DIDO1: variants seen among roughly 807,000 people sequenced by gnomAD.
The protein encoded by DIDO1 is death-inducer obliterator 1.
In DIDO1, 16 loss-of-function variants were observed where a neutral mutation model predicts 99.4. The ratio of observed to expected loss-of-function variants is 0.16; its 90% CI spans 0.11 to 0.24. The LOEUF (loss-of-function observed/expected upper bound fraction) is 0.24. DIDO1 is among the 10% of genes least tolerant of loss of function. The pLI is 1.00. For synonymous variants in DIDO1, 1,366 were observed against 1,239.1 expected, an observed-to-expected ratio of 1.10 and a Z score of -2.15; for missense variants, 2,996 against 3,014.0, an observed-to-expected ratio of 0.99 and a Z score of 0.14.
In DIDO1 at chr20:62,890,821, T is replaced by C. The variant is rs1349587468; in HGVS notation, c.3541+139A>G. 5.8e-6 allele frequency: 9 copies of C among 1,538,548 alleles called. No individual in the cohort carries two copies. In the African/African-American group the frequency reaches 8.3e-5, roughly 14 times the overall value. ...CCTACGCCCTCAAAGATGAATCCTA[T>C]TGCTAACCGCTGCGTCTGTGCTCCT... is the stretch of plus-strand genomic sequence containing the variant. On this transcript the variant is annotated intron_variant, in intron 15 of 15. Coordinates refer to ENST00000395343, the MANE Select transcript of DIDO1 (RefSeq NM_001193369.2).
intron 2 of DIDO1, among the ~76,000 whole-genome samples, chr20:62,913,648 T>C (rs2064987995): frequency 6.6e-6 from 1 of 152,250 alleles, no homozygotes; most frequent in Non-Finnish European, 1.5e-5. Flanking sequence ...AAGCTCTCGT[T>C]TTCATGCAAC....
At chr20:62,900,302 G>C (rs1490811352) in intron 6 of DIDO1, among the ~76,000 whole-genome samples, 2 of 152,278 alleles carry the variant, frequency 1.3e-5, no homozygotes, top group African/African-American at 4.8e-5. Flanking sequence ...CCGGGTCTGG[G>C]TTTCAGCCAA....
At chr20:62,922,057 TATAC>T (rs2065153723) in intron 1 of DIDO1, among the ~76,000 whole-genome samples, 1 of 147,480 alleles carries the variant, frequency 6.8e-6, no homozygotes, top group African/African-American at 2.5e-5. Context: ...ACAATATATA[TATAC>T]ACACACTATA....
chr20:62,879,090 G>A lies in DIDO1; in HGVS notation c.*143C>T, dbSNP rs2064150587. ...ATTGTAAAGATGTGAAATCTTGTAAGAAACCATTTACACAAAATTACAGTA... is the reference window on the plus strand; with the variant it reads ...ATTGTAAAGATGTGAAATCTTGTAAAAAACCATTTACACAAAATTACAGTA... On this transcript the variant is annotated 3_prime_UTR_variant, in exon 16 of 16. Transcript: ENST00000395343. This position sits in a 1 kb window ranked among gnomAD's most constrained non-coding sequence, Gnocchi z 6.3. 1.4e-6 allele frequency: 1 copy of A among 695,868 alleles called. No individual in the cohort carries two copies. The highest frequency in any genetic ancestry group is 2.1e-6 in the Non-Finnish European group (1 of 473,954). 43.1% of individuals were successfully genotyped at this position (695,868 alleles called of 1,614,324 possible). A position where few individuals can be genotyped will look rare whatever the true frequency, so the allele number is the denominator to read the frequency against.
In DIDO1 at chr20:62,882,194, G is replaced by A. The variant is rs770016211; in HGVS notation, c.3762C>T (p.Ser1254=). The A allele has an allele frequency of 7.4e-6, 12 of 1,613,618 alleles. No homozygotes were observed. Among genetic ancestry groups the A allele is most frequent in the Non-Finnish European group, 1.0e-5 (12 of 1,180,032 alleles). ...GCGGCGGCGACCCAGGAGGTGTGGT[G>A]CTGACAGCCGCGTCTGCAGAGCAGA... The part of the protein sequence containing the change: ...YPLCSADAAV[S]TTPPGSPPPP... The change falls in exon 16 of 16, where the codon AGC becomes AGT. Residue 1254 remains serine, a synonymous_variant. Transcript: ENST00000395343.
chr20:62,930,164 C>T (rs933180405), upstream of DIDO1, among the ~76,000 whole-genome samples: 2 of 151,892 alleles, frequency 1.3e-5, no homozygotes, highest in Non-Finnish European at 2.9e-5. Context: ...CGCTTGAACC[C>T]GCTGCACTCC....
chr20:62,879,732 C>T lies in DIDO1; in HGVS notation c.6224G>A (p.Gly2075Asp). 1 of 1,611,760 alleles carries T rather than the reference C, an allele frequency of 6.2e-7. No homozygotes were observed. The highest frequency in any genetic ancestry group is 1.1e-5 in the South Asian group (1 of 91,084). ...WASADFREGK[G>D]HEYRNQTFEG... Reference sequence around the variant, plus strand: ...GAAAGTCTGGTTTCTGTATTCGTGGCCTTTCCCCTCTCGGAAGTCGGCCGA... The same window carrying T: ...GAAAGTCTGGTTTCTGTATTCGTGGTCTTTCCCCTCTCGGAAGTCGGCCGA... Residue 2075 changes from glycine (G) to aspartate (D), a missense_variant, in exon 16 of 16, where the codon GGC (glycine) becomes GAC (aspartate). Gly to Asp is a moderately conservative substitution (Grantham distance 94). Transcript: ENST00000395343. The surrounding 1 kb of genome is among the most constrained non-coding windows in gnomAD (Gnocchi z 6.3).
chr20:62,919,487 C>T lies in DIDO1; in HGVS notation c.-199-5081G>A, dbSNP rs143921208. Reference sequence around the variant, plus strand: ...CCCGGGAAGCGGAGGTTGCAGTGAGCTGAGATCGTGCCACTGTACTCCAGC... The same window carrying T: ...CCCGGGAAGCGGAGGTTGCAGTGAGTTGAGATCGTGCCACTGTACTCCAGC... On this transcript the variant is annotated intron_variant, in intron 1 of 15. Transcript: ENST00000395343. Among the ~76,000 whole-genome samples, 952 of 151,998 alleles carry T rather than the reference C, an allele frequency of 6.3e-3. 7 individuals carry two copies. The highest frequency in any genetic ancestry group is 0.01 in the Non-Finnish European group (691 of 67,990).
chr20:62,895,190 C>G, intron 8 of DIDO1, 25 bp from the exon 9 acceptor site: 1 of 1,571,534 alleles, frequency 6.4e-7, no homozygotes. Context: ...TTTTCATTTA[C>G]TCAAATAATA....
In DIDO1 at chr20:62,881,260, G is replaced by C; in HGVS notation, c.4696C>G (p.Leu1566Val). 1 of 1,602,088 alleles carries C rather than the reference G, an allele frequency of 6.2e-7. No homozygotes were observed. Among genetic ancestry groups the C allele is most frequent in the Non-Finnish European group, 8.5e-7 (1 of 1,178,118 alleles). The part of the protein sequence containing the change: ...NHRDPRQARR[L>V]ATETGEGEGE... ...TCCCCCTCACCGGTCTCAGTGGCCAGGCGCCTCGCCTGCCGGGGGTCCCTG... is the reference window on the plus strand; with the variant it reads ...TCCCCCTCACCGGTCTCAGTGGCCACGCGCCTCGCCTGCCGGGGGTCCCTG... Residue 1566 changes from leucine to valine, a missense_variant, in exon 16 of 16, where the codon CTG becomes GTG. Transcript: ENST00000395343. The surrounding 1 kb of genome is among the most constrained non-coding windows in gnomAD (Gnocchi z 8.3).
intron 1 of DIDO1, among the ~76,000 whole-genome samples, chr20:62,921,935 T>A (rs1461079716): frequency 6.7e-6 from 1 of 150,230 alleles, no homozygotes; most frequent in Non-Finnish European, 1.5e-5. Flanking sequence ...ATGTCCAAAA[T>A]ATATATACAC....
chr20:62,901,138 G>C (rs2064666362), intron 6 of DIDO1, among the ~76,000 whole-genome samples: 1 of 152,208 alleles, frequency 6.6e-6, no homozygotes, highest in Non-Finnish European at 1.5e-5. Context: ...CGGGGAAACA[G>C]TTACTTCCCA....
intron 6 of DIDO1, chr20:62,905,206 A>C (rs1001856234): frequency 1.7e-5 from 19 of 1,137,694 alleles, no homozygotes; most frequent in Non-Finnish European, 1.9e-5. Context: ...TACCAAGTCC[A>C]AGGCACGCGT....
chr20:62,889,050 G>A (rs940939130), intron 15 of DIDO1: 6 of 985,380 alleles, frequency 6.1e-6, no homozygotes, highest in Non-Finnish European at 7.2e-6. Context: ...AGGCGGCGTC[G>A]TGGCCTCAGC....
chr20:62,930,776 C>T (rs2065325241), upstream of DIDO1, among the ~76,000 whole-genome samples: 1 of 152,222 alleles, frequency 6.6e-6, no homozygotes, highest in African/African-American at 2.4e-5. Flanking sequence ...ATGGATCTTT[C>T]TTTGGTCACA....
intron 15 of DIDO1, chr20:62,887,575 T>TC (rs1490551992): frequency 1.0e-6 from 1 of 985,456 alleles, no homozygotes; most frequent in Non-Finnish European, 1.2e-6. Flanking sequence ...CCGAGGTTAC[T>TC]CCACAGGCAT....
intron 15 of DIDO1, chr20:62,888,030 G>A: frequency 1.0e-6 from 1 of 985,496 alleles, no homozygotes; most frequent in South Asian, 4.7e-5. Flanking sequence ...TGGCTCCTGA[G>A]GGTGCTGCGG....
intron 1 of DIDO1, among the ~76,000 whole-genome samples, chr20:62,922,157 A>C (rs1003809602): frequency 1.4e-5 from 2 of 145,062 alleles, no homozygotes; most frequent in East Asian, 2.0e-4. Context: ...CACACACACA[A>C]ACAATGCCCG....
chr20:62,894,739 T>C lies in DIDO1; in HGVS notation c.2436+71A>G. Reference sequence around the variant, plus strand: ...TAAGCTCAGGTCCTGCCCAATAATTTAAGATAACCTCAAAACATTTGGGAT... The same window carrying C: ...TAAGCTCAGGTCCTGCCCAATAATTCAAGATAACCTCAAAACATTTGGGAT... On this transcript the variant is annotated intron_variant, in intron 10 of 15. Transcript: ENST00000395343. This position sits in a 1 kb window ranked among gnomAD's most constrained non-coding sequence, Gnocchi z 4.4. The C allele has an allele frequency of 6.6e-7, 1 of 1,519,516 alleles. No homozygotes were observed. Among genetic ancestry groups the C allele is most frequent in the Non-Finnish European group, 8.9e-7 (1 of 1,118,584 alleles). 94.1% of individuals were successfully genotyped at this position (1,519,516 alleles called of 1,614,324 possible). A position where few individuals can be genotyped will look rare whatever the true frequency, so the allele number is the denominator to read the frequency against.
Sources: allele counts gnomAD v4.1 joint callset (sites outside exome capture counted in the v4.1 genomes callset), GRCh38; gene constraint gnomAD v4.1.1; non-coding constraint Gnocchi (gnomAD v3.1); transcripts MANE v1.5; gene names NCBI Gene and HGNC (gene_info 2026-07-23, HGNC 2026-07-21).